Variants in UNKL observed in about 807,000 individuals in gnomAD.
UNKL encodes putative E3 ubiquitin-protein ligase UNKL.
Under a neutral mutation model 78.0 loss-of-function variants are expected in UNKL, and 60 were observed. The ratio of observed to expected loss-of-function variants is 0.77; its 90% CI spans 0.63 to 0.95. UNKL has a LOEUF of 0.95. Among genes scored for constraint, UNKL ranks in the 40% least tolerant of loss-of-function variants. The pLI is 0.00. For synonymous variants in UNKL, 608 were observed against 474.8 expected (o/e 1.28, Z -3.65); for missense variants, 1,159 against 1,045.7 (o/e 1.11, Z -1.49).
Position 1,364,098 on chromosome 16 carries a change from A to G in UNKL, c.*2142T>C, listed in dbSNP as rs2035044823. The G allele has an allele frequency of 1.3e-5, 2 of 152,242 alleles. No individual in the cohort carries two copies. Among genetic ancestry groups the G allele is most frequent in the South Asian group, 2.1e-4 (1 of 4,834 alleles). 9.4% of individuals were successfully genotyped at this position (152,242 alleles called of 1,614,324 possible). The stretch of plus-strand genomic sequence containing the variant: ...CAAGTGCATAAATACAAATAAAAAC[A>G]GAGTTTACACATCGATGACAGTAGC... On this transcript the variant is annotated 3_prime_UTR_variant, in exon 15 of 15. Transcript: ENST00000389221.
At chr16:1,375,614 G>C (rs2142013678) in intron 10 of UNKL, among the ~76,000 whole-genome samples, 1 of 152,310 alleles carries the variant, frequency 6.6e-6, no homozygotes, top group South Asian at 2.1e-4. Context: ...TTCCAATGAA[G>C]CTTTTAGGGA....
rs536529720 is a variant in UNKL at position 1,367,746 on chromosome 16, G to C, written c.1698C>G (p.Asn566Lys). The change falls in exon 13 of 15, where the codon AAC becomes AAG. Residue 566 changes from asparagine (N) to lysine (K), a missense_variant. Transcript: ENST00000389221. ...GPPSSSSASP[N>K]GAELARVRRQ... Reference sequence around the variant, plus strand: ...GCCTGACCCGGGCCAGCTCAGCTCCGTTTGGACTTGCACTCGAAGAGGATG... The same window carrying C: ...GCCTGACCCGGGCCAGCTCAGCTCCCTTTGGACTTGCACTCGAAGAGGATG... 51 of 1,576,400 alleles carry C rather than the reference G, an allele frequency of 3.2e-5. No homozygotes were observed. Among genetic ancestry groups the C allele is most frequent in the East Asian group, 4.7e-5 (2 of 42,904 alleles).
At chr16:1,400,319 G>A (rs2037462411) in intron 4 of UNKL, among the ~76,000 whole-genome samples, 1 of 150,242 alleles carries the variant, frequency 6.7e-6, no homozygotes, top group African/African-American at 2.4e-5. Context: ...TCAGGAGGCT[G>A]AGGCAGGAGA....
At chr16:1,398,391 C>T in intron 5 of UNKL, 1 of 1,023,998 alleles carries the variant, frequency 9.8e-7, no homozygotes, top group Non-Finnish European at 1.2e-6. Flanking sequence ...TATTTTCTTT[C>T]CATGACGGGC....
chr16:1,379,895 G>A (rs2036532189), intron 10 of UNKL, among the ~76,000 whole-genome samples: 1 of 151,938 alleles, frequency 6.6e-6, no homozygotes, highest in Admixed American at 6.5e-5. Context: ...GAAAGCCCCA[G>A]AGCTGCCCCG....
intron 2 of UNKL, among the ~76,000 whole-genome samples, chr16:1,412,551 C>A (rs59433336): frequency 0.05 from 7,635 of 152,278 alleles, 614 homozygotes; most frequent in African/African-American, 0.17. Flanking sequence ...CAGAGGTTGC[C>A]GTGAGCCAAG....
chr16:1,371,467 T>C (rs2035832680), intron 11 of UNKL, 52 bp downstream of exon 11: 2 of 1,515,708 alleles, frequency 1.3e-6, no homozygotes, highest in South Asian at 1.2e-5. Flanking sequence ...GCCACAGCAC[T>C]TGGCTGTTCA....
chr16:1,412,710 G>A (rs553163476), intron 2 of UNKL, among the ~76,000 whole-genome samples: 3 of 152,314 alleles, frequency 2.0e-5, no homozygotes, highest in Middle Eastern at 3.4e-3. Flanking sequence ...ATATTCTACA[G>A]CGTGAATATT....
intron 2 of UNKL, among the ~76,000 whole-genome samples, chr16:1,412,920 G>C (rs145324781): frequency 7.2e-5 from 11 of 152,222 alleles, no homozygotes; most frequent in African/African-American, 2.6e-4. Context: ...CACTTGGCCA[G>C]AGGTTGGTTC....
Position 1,399,429 on chromosome 16 carries a change from G to C in UNKL, c.679C>G (p.Pro227Ala). ...PRLCRQGYACPHYHNSRDRRR... is the reference protein window; with the variant it reads ...PRLCRQGYACAHYHNSRDRRR... ...CTGTCCCGGCTATTGTGGTAGTGTG[G>C]GCACGCATAGCCCTGGCGGCACAGG... The change falls in exon 5 of 15, where the codon CCA becomes GCA. Residue 227 changes from proline to alanine, a missense_variant. Pro to Ala is a conservative substitution (Grantham distance 27, BLOSUM62 -1). Transcript: ENST00000389221. This position sits in a 1 kb window ranked among gnomAD's most constrained non-coding sequence, Gnocchi z 5.8. 1 of 1,606,302 alleles carries C rather than the reference G, an allele frequency of 6.2e-7. No homozygotes were observed. Among genetic ancestry groups the C allele is most frequent in the Non-Finnish European group, 8.5e-7 (1 of 1,177,052 alleles).
At chr16:1,410,677 A>C (rs2038001525) in intron 2 of UNKL, among the ~76,000 whole-genome samples, 2 of 152,208 alleles carry the variant, frequency 1.3e-5, no homozygotes, top group South Asian at 2.1e-4. Context: ...CAGGACCCCC[A>C]CACCAGAGTT....
At position 1,366,179 on chromosome 16, in the gene UNKL, C is replaced by T. The variant is rs997990799; in HGVS notation, c.*61G>A. 10 of 1,426,198 alleles carry T rather than the reference C, an allele frequency of 7.0e-6. No individual in the cohort carries two copies. Among genetic ancestry groups the T allele is most frequent in the Admixed American group, 2.6e-5 (1 of 38,642 alleles). 88.3% of individuals were successfully genotyped at this position (1,426,198 alleles called of 1,614,324 possible). On this transcript the variant is annotated 3_prime_UTR_variant, in exon 15 of 15. Transcript: ENST00000389221. ...CACCAGAAGCGAGTGACGACATGTC[C>T]GTGGTCAGGAGGAGCGCTGGAGCCA...
Position 1,363,292 on chromosome 16 carries a change from A to G in UNKL, c.*2948T>C, listed in dbSNP as rs938259713. 5 of 600,778 alleles carry G rather than the reference A, an allele frequency of 8.3e-6. No individual in the cohort carries two copies. The highest frequency in any genetic ancestry group is 8.9e-6 in the Non-Finnish European group (3 of 337,020). 37.2% of individuals were successfully genotyped at this position (600,778 alleles called of 1,614,324 possible). ...CATTGCATAAATGCTATAGTGTAAAAAAATTTAAACAAGTGTTAACTTTAA... is the reference window on the plus strand; with the variant it reads ...CATTGCATAAATGCTATAGTGTAAAGAAATTTAAACAAGTGTTAACTTTAA... On this transcript the variant is annotated 3_prime_UTR_variant, in exon 15 of 15. Transcript: ENST00000389221.
intron 2 of UNKL, among the ~76,000 whole-genome samples, chr16:1,409,061 T>G (rs1266493672): frequency 6.6e-6 from 1 of 151,806 alleles, no homozygotes; most frequent in African/African-American, 2.4e-5. Context: ...GGACTACAGG[T>G]GCCCGCCACC....
rs755861049 is a variant in UNKL at position 1,392,879 on chromosome 16, C to T, written c.1023+12G>A. The T allele has an allele frequency of 6.4e-7, 1 of 1,550,412 alleles. No individual in the cohort carries two copies. The highest frequency in any genetic ancestry group is 1.4e-5 in the African/African-American group (1 of 73,066). On this transcript the variant is annotated intron_variant, in intron 8 of 14. Coordinates refer to ENST00000389221, the MANE Select transcript of UNKL (RefSeq NM_001372107.1). ...GACACTGGGCATTGTCCTGGGAAGG[C>T]CGTTCACTTACATTTCCCGGCTGGC...
chr16:1,402,934 G>A (rs1244676407), intron 3 of UNKL, among the ~76,000 whole-genome samples: 1 of 152,180 alleles, frequency 6.6e-6, no homozygotes, highest in African/African-American at 2.4e-5. Context: ...AGGGCTTGCA[G>A]TGAGCTGAGA....
At chr16:1,413,747 G>C in intron 2 of UNKL, 99 bp downstream of exon 2, 1 of 1,304,194 alleles carries the variant, frequency 7.7e-7, no homozygotes, top group Non-Finnish European at 1.0e-6. Flanking sequence ...CAGGGGCCAG[G>C]TATGGACACT....
Position 1,403,315 on chromosome 16 carries a change from TC to T in UNKL, c.316del (p.Asp106ThrfsTer27). 1 of 1,614,068 alleles carries T rather than the reference TC, an allele frequency of 6.2e-7. No homozygotes were observed. Among genetic ancestry groups the T allele is most frequent in the Non-Finnish European group, 8.5e-7 (1 of 1,180,000 alleles). On this transcript the variant is annotated frameshift_variant, in exon 3 of 15. Coordinates refer to ENST00000389221, the MANE Select transcript of UNKL (RefSeq NM_001372107.1). LOFTEE classifies it high-confidence loss of function. This position sits in a 1 kb window ranked among gnomAD's most constrained non-coding sequence, Gnocchi z 4.8. Reference protein sequence around the residue: ...ECPYLHRTTGDTERKYHLRYY... With the variant: ...ECPYLHRTTGXTERKYHLRYY... ...ACGCAGGTGGTACTTGCGTTCTGTG[TC>T]CCCCGTCGTCCGGTGCAGGTAGGGA...
At chr16:1,383,324 A>C (rs1392610866) in intron 10 of UNKL, among the ~76,000 whole-genome samples, 1 of 152,002 alleles carries the variant, frequency 6.6e-6, no homozygotes, top group East Asian at 1.9e-4. Context: ...CACACACACA[A>C]AAGAAAAATG....
Sources: gnomAD v4.1 joint callset for allele counts (sites outside exome capture counted in the v4.1 genomes callset) on GRCh38, gnomAD v4.1.1 for gene constraint, Gnocchi (gnomAD v3.1) non-coding constraint, MANE v1.5 for transcripts, NCBI Gene and HGNC (gene_info 2026-07-23, HGNC 2026-07-21) for gene names.